The following NUMB variants were observed in gnomAD, a reference collection of about 807,000 sequenced individuals.
NUMB encodes NUMB endocytic adaptor protein.
A neutral mutation model predicts 59.7 loss-of-function variants in NUMB; 29 were observed. That is an observed-to-expected ratio of 0.49 (90% confidence interval 0.36 to 0.66). NUMB has a LOEUF of 0.66. Ranked by LOEUF, NUMB falls within the 30% of genes least tolerant of loss-of-function variation. The probability of loss-of-function intolerance (pLI) is 0.00; values close to 1 mark genes in which losing one functional copy is unlikely to be tolerated. For synonymous variants in NUMB, 288 were observed against 288.2 expected, an observed-to-expected ratio of 1.00 and a Z score of 0.01; for missense variants, 723 against 822.0, an observed-to-expected ratio of 0.88 and a Z score of 1.47.
At chr14:73,456,110 C>A (rs1427357714) in intron 1 of NUMB, among the ~76,000 whole-genome samples, 2 of 148,498 alleles carry the variant, frequency 1.3e-5, no homozygotes, top group African/African-American at 2.6e-5. Flanking sequence ...CCCAAAAAAA[C>A]CTTTTTTTTT....
intron 3 of NUMB, chr14:73,357,046 G>T: frequency 1.0e-6 from 1 of 958,060 alleles, no homozygotes; most frequent in South Asian, 4.8e-5. Flanking sequence ...TTTCCATATC[G>T]ATAATCATTA....
chr14:73,419,519 A>G (rs1218311856), intron 1 of NUMB, among the ~76,000 whole-genome samples: 1 of 152,200 alleles, frequency 6.6e-6, no homozygotes, highest in Non-Finnish European at 1.5e-5. Flanking sequence ...AAAATAAATA[A>G]ATAAATAAAT....
intron 4 of NUMB, among the ~76,000 whole-genome samples, chr14:73,332,648 A>G (rs1382358144): frequency 1.4e-5 from 1 of 69,166 alleles, no homozygotes; most frequent in African/African-American, 7.1e-5. Flanking sequence ...TATTAACAGG[A>G]GAGATGTGTC....
chr14:73,379,421 C>T (rs1201141599), intron 2 of NUMB, among the ~76,000 whole-genome samples: 2 of 152,078 alleles, frequency 1.3e-5, no homozygotes, highest in African/African-American at 4.8e-5. Flanking sequence ...ATGAAACAAA[C>T]CCTCTACCCT....
At position 73,329,864 on chromosome 14, in the gene NUMB, G is replaced by A. The variant is rs368429554; in HGVS notation, c.127-6660C>T. The stretch of plus-strand genomic sequence containing the variant: ...TTATATATTTGAAGCACCCAGCGCA[G>A]TGTCTGGTAATCAGTAAGTGCTCAA... On this transcript the variant is annotated intron_variant, in intron 4 of 12. Coordinates refer to ENST00000555238, the MANE Select transcript of NUMB (RefSeq NM_001005743.2). Among the ~76,000 whole-genome samples, 8 of 152,284 alleles carry A rather than the reference G, an allele frequency of 5.3e-5. No homozygotes were observed. In the East Asian group the frequency reaches 7.7e-4, roughly 15 times the overall value.
intron 2 of NUMB, among the ~76,000 whole-genome samples, chr14:73,368,529 G>T (rs1215813679): frequency 1.3e-5 from 2 of 151,770 alleles, no homozygotes; most frequent in African/African-American, 4.8e-5. Flanking sequence ...GTTACAGTGA[G>T]CCGAGATCGC....
intron 3 of NUMB, among the ~76,000 whole-genome samples, chr14:73,360,906 T>A (rs1004947821): frequency 6.6e-6 from 1 of 152,138 alleles, no homozygotes; most frequent in East Asian, 1.9e-4. Flanking sequence ...TTATTTTATT[T>A]GGAGACAGGG....
chr14:73,418,681 G>A (rs1308052701), intron 1 of NUMB, among the ~76,000 whole-genome samples: 1 of 151,938 alleles, frequency 6.6e-6, no homozygotes. Context: ...TGAGACAAGA[G>A]AATCGCTTGA....
Position 73,276,863 on chromosome 14 carries a change from G to A in NUMB, c.1671C>T (p.Val557=), listed in dbSNP as rs1376281823. The change falls in exon 13 of 13, where the codon GTC becomes GTT. Residue 557 remains valine, a synonymous_variant. Transcript: ENST00000555238. ...CGTAGTGAGGGAATGTCTGCTGCCT[G>A]ACCAGGCTGGGTGACTGATGGGGAT... is the stretch of plus-strand genomic sequence containing the variant. ...AAHPHQSPSL[V]RQQTFPHYEA... is the part of the protein sequence containing the mutation. The A allele has an allele frequency of 1.2e-6, 2 of 1,614,048 alleles. No homozygotes were observed. Among genetic ancestry groups the A allele is most frequent in the East Asian group, 2.2e-5 (1 of 44,876 alleles).
intron 2 of NUMB, among the ~76,000 whole-genome samples, chr14:73,386,359 G>A (rs1163355880): frequency 3.9e-5 from 6 of 151,988 alleles, no homozygotes; most frequent in Admixed American, 6.6e-5. Context: ...TTACTCCCTC[G>A]CAGCACTTCA....
chr14:73,362,151 G>T (rs137962196), intron 3 of NUMB, among the ~76,000 whole-genome samples: 4 of 151,988 alleles, frequency 2.6e-5, no homozygotes, highest in Non-Finnish European at 5.9e-5. Flanking sequence ...CAGCTACTTG[G>T]GGGGCTGGGG....
chr14:73,376,864 C>A (rs1030345462), intron 2 of NUMB, among the ~76,000 whole-genome samples: 1 of 152,130 alleles, frequency 6.6e-6, no homozygotes, highest in South Asian at 2.1e-4. Flanking sequence ...CCAGCCTAGA[C>A]AACATGGTGA....
chr14:73,453,108 A>G (rs1884101586), intron 1 of NUMB, among the ~76,000 whole-genome samples: 1 of 151,544 alleles, frequency 6.6e-6, no homozygotes, highest in South Asian at 2.1e-4. Context: ...TTCGAAGTGC[A>G]CTTTTTTTTA....
chr14:73,332,033 A>G (rs1190472908), intron 4 of NUMB, among the ~76,000 whole-genome samples: 12 of 152,122 alleles, frequency 7.9e-5, no homozygotes. Flanking sequence ...GTCCAAACCT[A>G]GGATTTCAAT....
At chr14:73,450,106 G>A (rs916227028) in intron 1 of NUMB, among the ~76,000 whole-genome samples, 2 of 152,200 alleles carry the variant, frequency 1.3e-5, no homozygotes, top group African/African-American at 4.8e-5. Flanking sequence ...TAGATCTAAT[G>A]TGATAATTAT....
At chr14:73,402,057 G>A (rs1328644262) in intron 2 of NUMB, among the ~76,000 whole-genome samples, 2 of 152,062 alleles carry the variant, frequency 1.3e-5, no homozygotes, top group Admixed American at 1.3e-4. Context: ...TAATGACAAG[G>A]TCTCACTATG....
intron 1 of NUMB, among the ~76,000 whole-genome samples, chr14:73,437,041 CTTTT>C (rs71112755): frequency 1.9e-5 from 2 of 106,664 alleles, no homozygotes; most frequent in Non-Finnish European, 3.7e-5. Flanking sequence ...TTTTCTCTCT[CTTTT>C]TTTTTTTTTT....
At chr14:73,339,686 C>T (rs1875103418) in intron 4 of NUMB, among the ~76,000 whole-genome samples, 1 of 152,146 alleles carries the variant, frequency 6.6e-6, no homozygotes, top group Non-Finnish European at 1.5e-5. Context: ...GCCACTGTGC[C>T]CAGCCATTAA....
At chr14:73,412,883 C>T (rs1896959272) in intron 1 of NUMB, among the ~76,000 whole-genome samples, 1 of 151,954 alleles carries the variant, frequency 6.6e-6, no homozygotes, top group South Asian at 2.1e-4. Flanking sequence ...CCCACCTTGG[C>T]ATTACAGTCA....
Sources: allele counts gnomAD v4.1 joint callset (sites outside exome capture counted in the v4.1 genomes callset), GRCh38; gene constraint gnomAD v4.1.1; transcripts MANE v1.5; gene names NCBI Gene and HGNC (gene_info 2026-07-23, HGNC 2026-07-21).